Variants in TMEM236 observed in about 807,000 individuals in gnomAD.
TMEM236 encodes family with sequence similarity 23, member A.
Under a neutral mutation model 14.7 loss-of-function variants are expected in TMEM236, and 11 were observed. The observed-to-expected ratio is 0.75, with a 90% CI of 0.47 to 1.24. The LOEUF (loss-of-function observed/expected upper bound fraction) is 1.24, where lower values mean the gene tolerates loss of function less well. TMEM236 is among the 50% of genes most tolerant of loss of function. The probability of loss-of-function intolerance (pLI) is 0.00; values close to 1 mark genes in which losing one functional copy is unlikely to be tolerated. For missense variants in TMEM236, 464 were observed against 427.3 expected (o/e 1.09, Z -0.76); for synonymous variants, 182 against 168.6 (o/e 1.08, Z -0.62).
intron 3 of TMEM236, among the ~76,000 whole-genome samples, chr10:17,788,055 G>A (rs1011606237): frequency 6.7e-6 from 1 of 150,342 alleles, no homozygotes; most frequent in South Asian, 2.1e-4. Context: ...CATATTCAAT[G>A]GTATATTATT....
chr10:17,792,161 C>T (rs1302494582), intron 3 of TMEM236, among the ~76,000 whole-genome samples: 2 of 152,190 alleles, frequency 1.3e-5, no homozygotes, highest in African/African-American at 2.4e-5. Flanking sequence ...AATCTCGGCT[C>T]ACTGCAACCT....
chr10:17,792,844 A>G (rs1837948807), intron 3 of TMEM236, among the ~76,000 whole-genome samples: 1 of 152,224 alleles, frequency 6.6e-6, no homozygotes, highest in Non-Finnish European at 1.5e-5. Flanking sequence ...ACAATGGGAA[A>G]AAGAATTCCA....
At chr10:17,758,189 A>G (rs955137866) in intron 1 of TMEM236, among the ~76,000 whole-genome samples, 4 of 152,262 alleles carry the variant, frequency 2.6e-5, no homozygotes, top group African/African-American at 9.6e-5. Context: ...AGATGATGCA[A>G]AAATAATTGC....
chr10:17,770,393 AT>A (rs1205116659), intron 1 of TMEM236, among the ~76,000 whole-genome samples: 8 of 151,862 alleles, frequency 5.3e-5, no homozygotes, highest in Non-Finnish European at 1.5e-5. Context: ...TAATTAATTT[AT>A]TTATTTTGAG....
At chr10:17,767,436 G>A (rs1405793560) in intron 1 of TMEM236, among the ~76,000 whole-genome samples, 1 of 152,054 alleles carries the variant, frequency 6.6e-6, no homozygotes. Context: ...CTCCAGCCTG[G>A]GTGATAGAGT....
intron 3 of TMEM236, among the ~76,000 whole-genome samples, chr10:17,781,516 G>T (rs1024471012): frequency 1.3e-5 from 2 of 151,760 alleles, no homozygotes; most frequent in South Asian, 2.1e-4. Context: ...GGTTGGGGGT[G>T]GGGGGGATCA....
chr10:17,798,551 A>G lies in TMEM236; in HGVS notation c.*2047A>G. ...GACACCCATCTAAAAAAAATAAAAG[A>G]GAATTTGACGTTGTGTTATTCTACG... On this transcript the variant is annotated 3_prime_UTR_variant, in exon 4 of 4. Transcript: ENST00000377495. The G allele has an allele frequency of 3.7e-6, 2 of 534,374 alleles. No individual in the cohort carries two copies. The highest frequency in any genetic ancestry group is 7.7e-6 in the Non-Finnish European group (2 of 259,896). 33.1% of individuals were successfully genotyped at this position (534,374 alleles called of 1,614,324 possible).
intron 1 of TMEM236, among the ~76,000 whole-genome samples, chr10:17,755,878 T>A (rs892747063): frequency 6.6e-6 from 1 of 152,260 alleles, no homozygotes; most frequent in Non-Finnish European, 1.5e-5. Flanking sequence ...AACCTTCCCA[T>A]ATAACTTACT....
At chr10:17,753,475 A>G (rs1837238896) in intron 1 of TMEM236, among the ~76,000 whole-genome samples, 1 of 152,064 alleles carries the variant, frequency 6.6e-6, no homozygotes, top group Non-Finnish European at 1.5e-5. Flanking sequence ...TTTAGCTCCC[A>G]CTTATAAATG....
intron 1 of TMEM236, among the ~76,000 whole-genome samples, chr10:17,762,304 G>C (rs1222791215): frequency 2.0e-5 from 3 of 151,850 alleles, no homozygotes; most frequent in African/African-American, 4.8e-5. Flanking sequence ...CTGGACCTTT[G>C]ACTCTTTTGA....
At chr10:17,773,953 G>T (rs939187192) in intron 2 of TMEM236, among the ~76,000 whole-genome samples, 3 of 152,080 alleles carry the variant, frequency 2.0e-5, no homozygotes, top group Admixed American at 2.0e-4. Flanking sequence ...GATAGTGCTT[G>T]GGTCACTCAC....
chr10:17,774,798 T>TTCTCTCTCTCTCTCTCTCTCTCTC (rs781848506), intron 2 of TMEM236, among the ~76,000 whole-genome samples: 2 of 142,060 alleles, frequency 1.4e-5, no homozygotes, highest in Non-Finnish European at 3.0e-5. Context: ...CCTACCTCCT[T>TTCTCTCTCTCTCTCTCTCTCTCTC]TCTCTCTCTC....
At position 17,796,605 on chromosome 10, in the gene TMEM236, A is replaced by G; in HGVS notation, c.*101A>G. On this transcript the variant is annotated 3_prime_UTR_variant, in exon 4 of 4. Coordinates refer to ENST00000377495, the MANE Select transcript of TMEM236 (RefSeq NM_001098844.3). ...CGTAGGTGTTTGCACTATAAAGGAA[A>G]TGACTAGATTGTAGAGAATAAGCCA... 9.3e-7 allele frequency: 1 copy of G among 1,074,112 alleles called. No homozygotes were observed. The allele number at this position is 1,074,112 out of a possible 1,614,324, so 66.5% of individuals were successfully genotyped here. A position where few individuals can be genotyped will look rare whatever the true frequency, so the allele number is the denominator to read the frequency against.
At position 17,758,087 on chromosome 10, in the gene TMEM236, T is replaced by A. The variant is rs1003078857; in HGVS notation, c.257+5535T>A. 5.1e-3 allele frequency among the ~76,000 whole-genome samples: 781 copies of A among 152,298 alleles called. 3 individuals carry two copies. The highest frequency in any genetic ancestry group is 0.018 in the African/African-American group (741 of 41,564). On this transcript the variant is annotated intron_variant, in intron 1 of 3. Transcript: ENST00000377495. Reference sequence around the variant, plus strand: ...TGCAGCCAGAAAAATGCAGTGCTTTTAATGTCATTAACATAATTTCACCCA... The same window carrying A: ...TGCAGCCAGAAAAATGCAGTGCTTTAAATGTCATTAACATAATTTCACCCA...
chr10:17,777,737 G>C lies in TMEM236; in HGVS notation c.472+1567G>C, dbSNP rs1837682064. ...AACATTTTATTTTTGTTAGTGATGAGTTGTTTTTTTGTTTTGTTTTGTTTT... is the reference window on the plus strand; with the variant it reads ...AACATTTTATTTTTGTTAGTGATGACTTGTTTTTTTGTTTTGTTTTGTTTT... On this transcript the variant is annotated intron_variant, in intron 3 of 3. Coordinates refer to ENST00000377495, the MANE Select transcript of TMEM236 (RefSeq NM_001098844.3). 3.3e-5 allele frequency among the ~76,000 whole-genome samples: 5 copies of C among 151,746 alleles called. 1 individual carries two copies. In the South Asian group the frequency reaches 1.0e-3, roughly 31 times the overall value.
At position 17,796,874 on chromosome 10, in the gene TMEM236, G is replaced by T; in HGVS notation, c.*370G>T. The T allele has an allele frequency of 3.6e-6, 1 of 275,080 alleles. No individual in the cohort carries two copies. The highest frequency in any genetic ancestry group is 6.9e-6 in the Non-Finnish European group (1 of 144,434). 17.0% of individuals were successfully genotyped at this position (275,080 alleles called of 1,614,324 possible). A position where few individuals can be genotyped will look rare whatever the true frequency, so the allele number is the denominator to read the frequency against. On this transcript the variant is annotated 3_prime_UTR_variant, in exon 4 of 4. Transcript: ENST00000377495. Reference sequence around the variant, plus strand: ...AACCTCAAACTGAGCGTTCCCGCCTGCATTCCGCCTCCTGTCAGATCAGCA... The same window carrying T: ...AACCTCAAACTGAGCGTTCCCGCCTTCATTCCGCCTCCTGTCAGATCAGCA...
chr10:17,790,232 T>TAATA (rs1431333260), intron 3 of TMEM236, among the ~76,000 whole-genome samples: 13 of 151,970 alleles, frequency 8.6e-5, no homozygotes, highest in East Asian at 1.9e-4. Flanking sequence ...GTCTCAAAAA[T>TAATA]AATAAATAAA....
At chr10:17,764,543 A>G (rs1195403296) in intron 1 of TMEM236, among the ~76,000 whole-genome samples, 3 of 152,232 alleles carry the variant, frequency 2.0e-5, no homozygotes, top group Admixed American at 1.3e-4. Context: ...ATAACAAAGT[A>G]TCACAAACTT....
chr10:17,754,408 C>T (rs1431073686), intron 1 of TMEM236, among the ~76,000 whole-genome samples: 3 of 152,066 alleles, frequency 2.0e-5, no homozygotes, highest in African/African-American at 7.2e-5. Flanking sequence ...GCAGCCTCAA[C>T]CTCCCCAGGG....
Sources: allele counts gnomAD v4.1 joint callset (sites outside exome capture counted in the v4.1 genomes callset), GRCh38; gene constraint gnomAD v4.1.1; transcripts MANE v1.5; gene names NCBI Gene and HGNC (gene_info 2026-07-23, HGNC 2026-07-21).